Variants in FXR1 observed in about 807,000 individuals in gnomAD.
The protein encoded by FXR1 is FMR1 autosomal homolog 1, also known as RNA-binding protein FXR1.
A neutral mutation model predicts 84.0 loss-of-function variants in FXR1; 15 were observed. That is an observed-to-expected ratio of 0.18 (90% confidence interval 0.12 to 0.27). The LOEUF (loss-of-function observed/expected upper bound fraction) is 0.27, where lower values mean the gene tolerates loss of function less well. Among genes scored for constraint, FXR1 ranks in the 10% least tolerant of loss-of-function variants. The pLI is 1.00. For synonymous variants in FXR1, 245 were observed against 250.7 expected, an observed-to-expected ratio of 0.98 and a Z score of 0.21; for missense variants, 480 against 774.4, an observed-to-expected ratio of 0.62 and a Z score of 4.51.
intron 2 of FXR1, among the ~76,000 whole-genome samples, chr3:180,934,265 T>G (rs1448760873): frequency 6.6e-6 from 1 of 152,202 alleles, no homozygotes; most frequent in African/African-American, 2.4e-5. Flanking sequence ...CAGCTGCCAT[T>G]TGGACAGTAA....
At position 180,951,324 on chromosome 3, in the gene FXR1, T is replaced by C; in HGVS notation, c.657T>C (p.Phe219=). 6.2e-7 allele frequency: 1 copy of C among 1,607,166 alleles called. No homozygotes were observed. Among genetic ancestry groups the C allele is most frequent in the South Asian group, 1.1e-5 (1 of 90,508 alleles). The change falls in exon 8 of 17, where the codon TTT becomes TTC. Residue 219 remains phenylalanine, a synonymous_variant. Coordinates refer to ENST00000357559, the MANE Select transcript of FXR1 (RefSeq NM_005087.4). Reference sequence around the variant, plus strand: ...GCACAAAACAACTTGCAGCAGCTTTTCATGAGGAATTTGTTGTGAGAGAAG... The same window carrying C: ...GCACAAAACAACTTGCAGCAGCTTTCCATGAGGAATTTGTTGTGAGAGAAG... ...LECTKQLAAA[F]HEEFVVREDL... is the part of the protein sequence containing the mutation.
In FXR1 at chr3:180,981,073, T is replaced by A. The variant is rs1459542580; in HGVS notation, c.*4781T>A. ...TCTTGTGCACTCAATGTGAACCTAC[T>A]ACAAGCTTCTGAACTGCAAAACCTT... is the stretch of plus-strand genomic sequence containing the variant. On this transcript the variant is annotated 3_prime_UTR_variant, in exon 17 of 17. Transcript: ENST00000357559. The A allele has an allele frequency of 6.6e-6, 1 of 152,010 alleles. No individual in the cohort carries two copies. The highest frequency in any genetic ancestry group is 1.5e-5 in the Non-Finnish European group (1 of 67,916). The allele number at this position is 152,010 out of a possible 1,614,324, so 9.4% of individuals were successfully genotyped here.
Position 180,968,157 on chromosome 3 carries a change from G to T in FXR1, c.1305G>T (p.Gln435His). 6.2e-7 allele frequency: 1 copy of T among 1,613,678 alleles called. No homozygotes were observed. Among genetic ancestry groups the T allele is most frequent in the Non-Finnish European group, 8.5e-7 (1 of 1,179,560 alleles). Residue 435 changes from glutamine to histidine, a missense_variant, in exon 14 of 17, where the codon CAG becomes CAT. Coordinates refer to ENST00000357559, the MANE Select transcript of FXR1 (RefSeq NM_005087.4). ...AGEDDRDSRH[Q>H]RDSRRRPGGR... Reference sequence around the variant, plus strand: ...AAGATGATCGAGACAGCCGACATCAGCGTGACAGCAGGAGACGCCCAGGAG... The same window carrying T: ...AAGATGATCGAGACAGCCGACATCATCGTGACAGCAGGAGACGCCCAGGAG...
chr3:180,931,664 T>A (rs1176467508), intron 1 of FXR1, among the ~76,000 whole-genome samples: 1 of 151,978 alleles, frequency 6.6e-6, no homozygotes, highest in Non-Finnish European at 1.5e-5. Flanking sequence ...CCACTGCCAG[T>A]TTATATTTTA....
chr3:180,949,186 G>A (rs745619416), intron 6 of FXR1, 41 bp from the exon 7 acceptor site: 4 of 989,456 alleles, frequency 4.0e-6, no homozygotes, highest in African/African-American at 1.6e-5. Flanking sequence ...CTATTTGGAA[G>A]AATGATTAAA....
At chr3:180,962,172 A>G (rs757209286) in intron 11 of FXR1, among the ~76,000 whole-genome samples, 1 of 152,174 alleles carries the variant, frequency 6.6e-6, no homozygotes, top group Non-Finnish European at 1.5e-5. Flanking sequence ...TTTAAAGTAT[A>G]ATAATATCCT....
At chr3:180,969,065 A>C (rs1713205382) in intron 14 of FXR1, among the ~76,000 whole-genome samples, 1 of 152,084 alleles carries the variant, frequency 6.6e-6, no homozygotes, top group African/African-American at 2.4e-5. Context: ...CATTAAATAT[A>C]GATGCCAACT....
chr3:180,925,871 C>T lies in FXR1; in HGVS notation c.52-7463C>T, dbSNP rs139084015. ...ATGAATTATGTTAGTACCTTTTTCT[C>T]ATGGGCTATATATTTTGTAATCAAA... On this transcript the variant is annotated intron_variant, in intron 1 of 16. Coordinates refer to ENST00000357559, the MANE Select transcript of FXR1 (RefSeq NM_005087.4). Among the ~76,000 whole-genome samples, 1,312 of 152,236 alleles carry T rather than the reference C, an allele frequency of 8.6e-3. 8 individuals are homozygous for T. The highest frequency in any genetic ancestry group is 0.013 in the Non-Finnish European group (855 of 68,022).
intron 13 of FXR1, 107 bp from the exon 14 acceptor site, chr3:180,967,944 C>A: frequency 1.4e-6 from 1 of 708,576 alleles, no homozygotes; most frequent in Non-Finnish European, 2.5e-6. Context: ...TTTGAAGCAG[C>A]CAAACAGTAT....
chr3:180,944,601 A>G (rs1721497356), intron 3 of FXR1, among the ~76,000 whole-genome samples: 1 of 152,220 alleles, frequency 6.6e-6, no homozygotes, highest in Non-Finnish European at 1.5e-5. Context: ...TGCTGGGATT[A>G]CAGGCATGAG....
At chr3:180,934,614 A>G (rs1023138845) in intron 2 of FXR1, among the ~76,000 whole-genome samples, 2 of 152,238 alleles carry the variant, frequency 1.3e-5, no homozygotes, top group African/African-American at 4.8e-5. Flanking sequence ...TAATTCAGCT[A>G]TTCAAAATAA....
intron 7 of FXR1, among the ~76,000 whole-genome samples, 165 bp downstream of exon 7, chr3:180,949,508 T>G (rs756575289): frequency 6.6e-5 from 10 of 152,132 alleles, no homozygotes; most frequent in Non-Finnish European, 1.2e-4. Context: ...TGCCTCAGCC[T>G]CCGTGTAGCT....
chr3:180,966,605 A>T (rs1450295448), intron 13 of FXR1, among the ~76,000 whole-genome samples: 1 of 152,194 alleles, frequency 6.6e-6, no homozygotes, highest in African/African-American at 2.4e-5. Flanking sequence ...GAAAATTGTT[A>T]TACACTCTGC....
intron 1 of FXR1, among the ~76,000 whole-genome samples, chr3:180,930,836 A>G (rs1719799137): frequency 6.6e-6 from 1 of 151,920 alleles, no homozygotes; most frequent in Non-Finnish European, 1.5e-5. Context: ...GGAGTTCGAG[A>G]CCAGCCTGGC....
intron 1 of FXR1, among the ~76,000 whole-genome samples, chr3:180,919,494 G>A (rs987843838): frequency 2.0e-5 from 3 of 151,752 alleles, no homozygotes; most frequent in East Asian, 1.9e-4. Context: ...CATGTTGGCC[G>A]GCTGGTTTCG....
chr3:180,918,582 G>A (rs1718177115), intron 1 of FXR1, among the ~76,000 whole-genome samples: 1 of 152,192 alleles, frequency 6.6e-6, no homozygotes, highest in Admixed American at 6.5e-5. Flanking sequence ...CTTTTTTGTA[G>A]TGGGAAGAGC....
At chr3:180,974,803 A>G (rs1300136489) in intron 15 of FXR1, among the ~76,000 whole-genome samples, 1 of 152,122 alleles carries the variant, frequency 6.6e-6, no homozygotes, top group Non-Finnish European at 1.5e-5. Flanking sequence ...AAAACCATAG[A>G]ATAAACCACA....
At chr3:180,972,785 T>A (rs764894649) in intron 15 of FXR1, among the ~76,000 whole-genome samples, 29 of 152,290 alleles carry the variant, frequency 1.9e-4, no homozygotes, top group Non-Finnish European at 3.5e-4. Context: ...GATTACTACT[T>A]CCCTCTTTTA....
intron 10 of FXR1, among the ~76,000 whole-genome samples, chr3:180,960,032 A>C (rs1316498234): frequency 6.6e-6 from 1 of 152,206 alleles, no homozygotes; most frequent in Non-Finnish European, 1.5e-5. Flanking sequence ...AGACATGGAA[A>C]CTGATTGGGG....
Sources: allele counts gnomAD v4.1 joint callset (sites outside exome capture counted in the v4.1 genomes callset), GRCh38; gene constraint gnomAD v4.1.1; transcripts MANE v1.5; gene names NCBI Gene and HGNC (gene_info 2026-07-23, HGNC 2026-07-21).